PTPRT: variants seen among roughly 807,000 people sequenced by gnomAD.
PTPRT encodes the protein receptor-type tyrosine-protein phosphatase T.
A neutral mutation model predicts 176.8 loss-of-function variants in PTPRT; 56 were observed. The observed-to-expected ratio is 0.32, with a 90% CI of 0.26 to 0.40. The LOEUF (loss-of-function observed/expected upper bound fraction) is 0.40. Ranked by LOEUF, PTPRT falls within the 10% of genes least tolerant of loss-of-function variation. The pLI, the probability that PTPRT is intolerant of heterozygous loss-of-function variation, is 1.00. For missense variants in PTPRT, 1,540 were observed against 1,908.2 expected (o/e 0.81, Z 3.60); for synonymous variants, 783 against 739.0 (o/e 1.06, Z -0.96).
intron 13 of PTPRT, among the ~76,000 whole-genome samples, chr20:42,265,016 G>T (rs2056815063): frequency 6.6e-6 from 1 of 152,198 alleles, no homozygotes; most frequent in African/African-American, 2.4e-5. Flanking sequence ...TGTAAGATGG[G>T]TTAAGATCAT....
intron 1 of PTPRT, among the ~76,000 whole-genome samples, chr20:43,176,838 T>C (rs1247488665): frequency 6.6e-6 from 1 of 152,126 alleles, no homozygotes; most frequent in Non-Finnish European, 1.5e-5. Flanking sequence ...CATGCTGATA[T>C]AGAAGGGAAG....
intron 1 of PTPRT, among the ~76,000 whole-genome samples, chr20:42,944,465 C>T (rs940868933): frequency 3.3e-5 from 5 of 152,184 alleles, no homozygotes; most frequent in African/African-American, 4.8e-5. Flanking sequence ...AATCCAAATT[C>T]GTTGAGATGG....
chr20:43,160,198 G>A (rs1297673004), intron 1 of PTPRT, among the ~76,000 whole-genome samples: 2 of 152,028 alleles, frequency 1.3e-5, no homozygotes, highest in Admixed American at 6.6e-5. Flanking sequence ...CCCCCACAAC[G>A]GCTATTTGTT....
chr20:42,548,817 C>G (rs1013367092), intron 7 of PTPRT, among the ~76,000 whole-genome samples: 1 of 152,046 alleles, frequency 6.6e-6, no homozygotes, highest in African/African-American at 2.4e-5. Context: ...TGTGAACAGT[C>G]AATAAAGAAG....
intron 1 of PTPRT, among the ~76,000 whole-genome samples, chr20:42,982,534 G>T (rs1983339586): frequency 6.6e-6 from 1 of 152,142 alleles, no homozygotes; most frequent in African/African-American, 2.4e-5. Flanking sequence ...CCAACCATTA[G>T]GAAAAAGAAA....
chr20:42,372,509 T>G (rs2145603867), intron 9 of PTPRT, among the ~76,000 whole-genome samples: 1 of 152,194 alleles, frequency 6.6e-6, no homozygotes, highest in South Asian at 2.1e-4. Context: ...GGTCTTGAAC[T>G]TCTGGCCTCA....
intron 11 of PTPRT, among the ~76,000 whole-genome samples, chr20:42,319,986 C>T (rs1048306465): frequency 6.6e-6 from 1 of 152,180 alleles, no homozygotes; most frequent in Admixed American, 6.5e-5. Context: ...ACTCACCACA[C>T]AGCACATAGC....
chr20:42,480,266 A>G (rs2071362370), intron 7 of PTPRT, among the ~76,000 whole-genome samples: 1 of 152,188 alleles, frequency 6.6e-6, no homozygotes, highest in Non-Finnish European at 1.5e-5. Flanking sequence ...AGGTGAATTA[A>G]GAAGATAATA....
chr20:42,492,556 T>A (rs2145380410), intron 7 of PTPRT, among the ~76,000 whole-genome samples: 1 of 152,326 alleles, frequency 6.6e-6, no homozygotes, highest in African/African-American at 2.4e-5. Context: ...TTCCTCTAAG[T>A]GTTGCTTCAG....
chr20:42,918,464 T>C (rs924417271), intron 1 of PTPRT, among the ~76,000 whole-genome samples: 2 of 152,172 alleles, frequency 1.3e-5, no homozygotes, highest in Non-Finnish European at 2.9e-5. Flanking sequence ...CTGGATCAAA[T>C]TTTAGTCAGG....
rs1031191491 is a variant in PTPRT, at chr20:42,894,156, G to C, written c.89-8224C>G. Reference sequence around the variant, plus strand: ...CTAAGGAAGCGCCATAAGGCCACCAGGAAATGGAGAAGAGTAAGTTGAGAC... The same window carrying C: ...CTAAGGAAGCGCCATAAGGCCACCACGAAATGGAGAAGAGTAAGTTGAGAC... On this transcript the variant is annotated intron_variant, in intron 1 of 30. Coordinates refer to ENST00000373187, the MANE Select transcript of PTPRT (RefSeq NM_007050.6). Among the ~76,000 whole-genome samples the C allele has an allele frequency of 4.6e-5, 7 of 152,154 alleles. No individual in the cohort carries two copies. The South Asian group carries it at 8.3e-4, about 18-fold the overall frequency.
intron 1 of PTPRT, among the ~76,000 whole-genome samples, chr20:43,020,110 G>GTGTGTATA (rs1328800625): frequency 4.0e-5 from 5 of 124,590 alleles, no homozygotes; most frequent in African/African-American, 2.2e-4. Context: ...GTGTGTGTGT[G>GTGTGTATA]TATATATATA....
intron 5 of PTPRT, among the ~76,000 whole-genome samples, chr20:42,765,209 C>G (rs959564706): frequency 1.3e-5 from 2 of 152,144 alleles, no homozygotes; most frequent in Non-Finnish European, 2.9e-5. Context: ...AAAAACCCCT[C>G]GTGGATTGAA....
intron 2 of PTPRT, among the ~76,000 whole-genome samples, chr20:42,828,074 T>C (rs931357275): frequency 1.3e-5 from 2 of 152,174 alleles, no homozygotes; most frequent in African/African-American, 4.8e-5. Context: ...TTGGAGGATT[T>C]AGAAGATGAC....
chr20:42,795,351 G>A (rs1005171378), intron 2 of PTPRT, among the ~76,000 whole-genome samples: 7 of 152,212 alleles, frequency 4.6e-5, no homozygotes, highest in Non-Finnish European at 8.8e-5. Flanking sequence ...CTTGATAAGC[G>A]CCTCGTTATT....
At chr20:42,911,976 CTTTTTTT>C (rs11475084) in intron 1 of PTPRT, among the ~76,000 whole-genome samples, 1 of 124,316 alleles carries the variant, frequency 8.0e-6, no homozygotes, top group South Asian at 2.5e-4. Flanking sequence ...ATCCTCTTTT[CTTTTTTT>C]TTTTTTTTTT....
chr20:42,437,210 A>G (rs1036664945), intron 9 of PTPRT, among the ~76,000 whole-genome samples: 3 of 152,326 alleles, frequency 2.0e-5, no homozygotes, highest in African/African-American at 4.8e-5. Flanking sequence ...AAAGAGACCC[A>G]TGCACAGACC....
chr20:42,552,274 G>C (rs1217757484), intron 7 of PTPRT, among the ~76,000 whole-genome samples: 3 of 152,180 alleles, frequency 2.0e-5, no homozygotes, highest in Non-Finnish European at 4.4e-5. Flanking sequence ...GAATTGGGAA[G>C]AGAGATGGCA....
chr20:43,053,882 T>C (rs984962), intron 1 of PTPRT, among the ~76,000 whole-genome samples: 57,308 of 152,172 alleles, frequency 0.38, 14,189 homozygotes, highest in African/African-American at 0.7. Flanking sequence ...AAGAAGTTAA[T>C]ACATATTTCT....
Sources: allele counts gnomAD v4.1 joint callset (sites outside exome capture counted in the v4.1 genomes callset), GRCh38; gene constraint gnomAD v4.1.1; transcripts MANE v1.5; gene names NCBI Gene and HGNC (gene_info 2026-07-23, HGNC 2026-07-21).